Variants in ACBD4 observed in about 807,000 individuals in gnomAD.
ACBD4 encodes acyl-CoA-binding domain-containing protein 4.
ACBD4 carries 41 observed loss-of-function variants against 46.0 expected under a neutral mutation model. The observed-to-expected ratio is 0.89, with a 90% CI of 0.69 to 1.16. The LOEUF is 1.16. Ranked by LOEUF, ACBD4 falls within the 50% of genes most tolerant of loss-of-function variation. The pLI is 0.00. For missense variants in ACBD4, 393 were observed against 399.5 expected, an observed-to-expected ratio of 0.98 and a Z score of 0.14; for synonymous variants, 162 against 155.9, an observed-to-expected ratio of 1.04 and a Z score of -0.29.
chr17:45,143,019 C>T (rs79716442), intron 9 of ACBD4: 4,599 of 160,056 alleles, frequency 0.029, 271 homozygotes, highest in East Asian at 0.23. Context: ...CTTCCCTGCC[C>T]CAGGCCTGGA....
intron 8 of ACBD4, 92 bp downstream of exon 8, chr17:45,138,080 T>G (rs1296860469): frequency 5.3e-6 from 7 of 1,311,636 alleles, no homozygotes; most frequent in Non-Finnish European, 7.5e-6. Flanking sequence ...TAGGGCAGAG[T>G]TGAAAGTCCA....
Position 45,136,216 on chromosome 17 carries a change from G to C in ACBD4, c.72G>C (p.Gln24His). ...KQFQAAVSVI[Q>H]NLPKNGSYRP... The stretch of plus-strand genomic sequence containing the variant: ...TCCAGGCTGCAGTGAGCGTCATCCA[G>C]AACCTGCCCAAGAACGGTGAGGCTG... Residue 24 changes from glutamine to histidine, a missense_variant, in exon 2 of 10, where the codon CAG becomes CAC. Physicochemically the swap from Gln to His is conservative, Grantham distance 24. Coordinates refer to ENST00000321854, the MANE Select transcript of ACBD4 (RefSeq NM_001135705.3). The C allele has an allele frequency of 6.2e-7, 1 of 1,613,600 alleles. No homozygotes were observed. The highest frequency in any genetic ancestry group is 1.6e-4 in the Middle Eastern group (1 of 6,062).
In ACBD4 at chr17:45,137,061, T is replaced by A. The variant is rs2054895209; in HGVS notation, c.337T>A (p.Phe113Ile). 6.2e-7 allele frequency: 1 copy of A among 1,613,890 alleles called. No homozygotes were observed. Among genetic ancestry groups the A allele is most frequent in the Non-Finnish European group, 8.5e-7 (1 of 1,180,006 alleles). Residue 113 changes from phenylalanine to isoleucine, a missense_variant, in exon 5 of 10, where the codon TTT becomes ATT. Phe to Ile is a conservative substitution (Grantham distance 21, BLOSUM62 0). Coordinates refer to ENST00000321854, the MANE Select transcript of ACBD4 (RefSeq NM_001135705.3). ...VPLGEVAEDM[F>I]GYFEPLYQVI... ...CCTGGGTGAGGTGGCAGAGGACATG[T>A]TTGGTTACTTCGAGCCCCTGTACCA...
chr17:45,132,439 G>A, upstream of ACBD4: 2 of 1,184,644 alleles, frequency 1.7e-6, no homozygotes, highest in Non-Finnish European at 1.0e-6. The surrounding 1 kb of genome is among the most constrained non-coding windows in gnomAD (Gnocchi z 4.6). Flanking sequence ...GGCCGGGCCC[G>A]GGGTCTGCAC....
In ACBD4 at chr17:45,137,839, A is replaced by G. The variant is rs2054963455; in HGVS notation, c.573+9A>G. 1.2e-6 allele frequency: 2 copies of G among 1,613,372 alleles called. No homozygotes were observed. The highest frequency in any genetic ancestry group is 3.3e-5 in the Admixed American group (2 of 59,996). ...AGCTGGAGCCTGAGCTGGTGAGCCC[A>G]GTCCCCATTCCCCCCTTTTCCCACC... is the stretch of plus-strand genomic sequence containing the variant. On this transcript the variant is annotated intron_variant, in intron 7 of 9. Transcript: ENST00000321854.
upstream of ACBD4, among the ~76,000 whole-genome samples, chr17:45,133,657 A>C (rs1274488756): frequency 5.7e-5 from 8 of 139,744 alleles, no homozygotes; most frequent in African/African-American, 2.2e-4. Flanking sequence ...TCAGCCTCCC[A>C]AGTAGCTGGG....
upstream of ACBD4, among the ~76,000 whole-genome samples, chr17:45,134,023 G>A (rs946520873): frequency 1.3e-5 from 2 of 152,196 alleles, no homozygotes; most frequent in African/African-American, 2.4e-5. Context: ...GGCATGTAAT[G>A]TTTTGATACA....
Position 45,137,399 on chromosome 17 carries a change from T to C in ACBD4, c.447T>C (p.Val149=). The C allele has an allele frequency of 1.2e-6, 2 of 1,614,008 alleles. No individual in the cohort carries two copies. Among genetic ancestry groups the C allele is most frequent in the Non-Finnish European group, 1.7e-6 (2 of 1,179,982 alleles). Residue 149 remains valine (V), a synonymous_variant, in exon 6 of 10, where the codon GTT becomes GTC. Coordinates refer to ENST00000321854, the MANE Select transcript of ACBD4 (RefSeq NM_001135705.3). ...GWKEQVVNGD[V]GAVSEPPCLP... ...AAGAGCAGGTTGTGAATGGAGATGT[T>C]GGGGCTGTTTCAGAGCCTCCCTGCC...
At chr17:45,136,806 C>A (rs1434997517) in intron 4 of ACBD4, 30 bp downstream of exon 4, 1 of 1,611,966 alleles carries the variant, frequency 6.2e-7, no homozygotes. Flanking sequence ...TGTCCCCAGG[C>A]TCCTGGCCAG....
At chr17:45,136,056 T>C (rs2054801995) in intron 1 of ACBD4, 52 bp from the exon 2 acceptor site, 13 of 1,377,384 alleles carry the variant, frequency 9.4e-6, no homozygotes, top group African/African-American at 1.5e-5. Flanking sequence ...CCTTGGCTTA[T>C]GGTGCCGGGG....
In ACBD4 at chr17:45,136,578, TC is replaced by T; in HGVS notation, c.172del (p.Arg58GlyfsTer22). 2 of 1,613,920 alleles carry T rather than the reference TC, an allele frequency of 1.2e-6. No individual in the cohort carries two copies. Among genetic ancestry groups the T allele is most frequent in the Non-Finnish European group, 1.7e-6 (2 of 1,179,962 alleles). ...CAGGCCACCATGGGGCCCTGCCTGG[TC>T]CCCCGGCCCGGGTTCTGGGACCCCA... Reference protein sequence around the residue: ...YKQATMGPCLVPRPGFWDPIG... With the variant: ...YKQATMGPCLXPRPGFWDPIG... On this transcript the variant is annotated frameshift_variant, in exon 3 of 10. Transcript: ENST00000321854. LOFTEE classifies it high-confidence loss of function.
upstream of ACBD4, among the ~76,000 whole-genome samples, chr17:45,134,820 A>C (rs1598060091): frequency 6.6e-6 from 1 of 152,234 alleles, no homozygotes; most frequent in African/African-American, 2.4e-5. Context: ...AAAAAGATAC[A>C]ATAAATTATT....
Position 45,137,978 on chromosome 17 carries a change from C to T in ACBD4, c.639C>T (p.Pro213=). 6.2e-7 allele frequency: 1 copy of T among 1,613,490 alleles called. No individual in the cohort carries two copies. The highest frequency in any genetic ancestry group is 8.5e-7 in the Non-Finnish European group (1 of 1,179,896). Residue 213 remains proline, a synonymous_variant, in exon 8 of 10, where the codon CCC becomes CCT. Transcript: ENST00000321854. ...KRDPRNSPVP[P]TKKEGLRGSP... is the part of the protein sequence containing the mutation. ...ATCCCAGGAACAGCCCCGTGCCCCCCACAAAGAAAGGTGAGCTCCTACCCA... is the reference window on the plus strand; with the variant it reads ...ATCCCAGGAACAGCCCCGTGCCCCCTACAAAGAAAGGTGAGCTCCTACCCA...
upstream of ACBD4, among the ~76,000 whole-genome samples, chr17:45,133,520 C>CTTTTTTTT (rs10569248): frequency 5.4e-5 from 4 of 73,844 alleles, no homozygotes; most frequent in Non-Finnish European, 1.0e-4. Context: ...CCTGAATTTT[C>CTTTTTTTT]TTTTTTTTTT....
upstream of ACBD4, chr17:45,132,174 C>G: frequency 8.2e-7 from 1 of 1,221,650 alleles, no homozygotes; most frequent in East Asian, 3.2e-5. The surrounding 1 kb of genome is among the most constrained non-coding windows in gnomAD (Gnocchi z 4.6). Flanking sequence ...CCACGAACTG[C>G]TCCCTGGAGC....
At position 45,143,801 on chromosome 17, in the gene ACBD4, C is replaced by A; in HGVS notation, c.*230C>A. The A allele has an allele frequency of 5.9e-6, 4 of 681,498 alleles. No individual in the cohort carries two copies. The South Asian group carries it at 7.9e-5, about 14-fold the overall frequency. The allele number at this position is 681,498 out of a possible 1,614,324, so 42.2% of individuals were successfully genotyped here. A position where few individuals can be genotyped will look rare whatever the true frequency, so the allele number is the denominator to read the frequency against. ...CACCCCAGGCTCCCCTGGGAGGCTGCAGTTGTGGTACACGTCCCCGGTGCT... is the reference window on the plus strand; with the variant it reads ...CACCCCAGGCTCCCCTGGGAGGCTGAAGTTGTGGTACACGTCCCCGGTGCT... On this transcript the variant is annotated 3_prime_UTR_variant, in exon 10 of 10. Transcript: ENST00000321854.
chr17:45,134,885 C>T (rs575981714), upstream of ACBD4, among the ~76,000 whole-genome samples: 2 of 152,160 alleles, frequency 1.3e-5, no homozygotes, highest in East Asian at 3.9e-4. Flanking sequence ...TTCATTCTAA[C>T]TGTATTTTTG....
chr17:45,143,661 C>G lies in ACBD4; in HGVS notation c.*90C>G, dbSNP rs1567912465. The G allele has an allele frequency of 6.2e-7, 1 of 1,605,454 alleles. No individual in the cohort carries two copies. Reference sequence around the variant, plus strand: ...GTTTAGAAGAACAGCATTCAAAATTCCCCGTCCTGTCAGTGTTTGCCTTCG... The same window carrying G: ...GTTTAGAAGAACAGCATTCAAAATTGCCCGTCCTGTCAGTGTTTGCCTTCG... On this transcript the variant is annotated 3_prime_UTR_variant, in exon 10 of 10. Coordinates refer to ENST00000321854, the MANE Select transcript of ACBD4 (RefSeq NM_001135705.3).
chr17:45,136,988 C>G, intron 4 of ACBD4, 31 bp from the exon 5 acceptor site: 4 of 1,613,564 alleles, frequency 2.5e-6, no homozygotes, highest in East Asian at 2.2e-5. Flanking sequence ...CAGGAGGCCA[C>G]TCCGTCCCCA....
Sources: gnomAD v4.1 joint callset for allele counts (sites outside exome capture counted in the v4.1 genomes callset) on GRCh38, gnomAD v4.1.1 for gene constraint, Gnocchi (gnomAD v3.1) non-coding constraint, MANE v1.5 for transcripts, NCBI Gene and HGNC (gene_info 2026-07-23, HGNC 2026-07-21) for gene names.